SCIN: variants seen among roughly 807,000 people sequenced by gnomAD.
SCIN encodes adseverin.
A neutral mutation model predicts 91.8 loss-of-function variants in SCIN; 91 were observed. That is an observed-to-expected ratio of 0.99 (90% CI 0.84 to 1.18). The LOEUF (loss-of-function observed/expected upper bound fraction) is 1.18. Among genes scored for constraint, SCIN ranks in the 50% most tolerant of loss-of-function variants. The pLI is 0.00. For missense variants in SCIN, 1,087 were observed against 863.9 expected, an observed-to-expected ratio of 1.26 and a Z score of -3.24; for synonymous variants, 367 against 312.6, an observed-to-expected ratio of 1.17 and a Z score of -1.84.
chr7:12,574,727 T>A (rs1325993314), intron 1 of SCIN, among the ~76,000 whole-genome samples: 1 of 152,140 alleles, frequency 6.6e-6, no homozygotes, highest in Non-Finnish European at 1.5e-5. Context: ...ACCAATCTGT[T>A]TTAATCACGT....
At chr7:12,649,678 C>G (rs1448909765) in intron 14 of SCIN, 134 bp downstream of exon 14, 1 of 467,846 alleles carries the variant, frequency 2.1e-6, no homozygotes, top group Non-Finnish European at 3.7e-6. Flanking sequence ...CACACACACA[C>G]ATTTGGTAAA....
intron 14 of SCIN, among the ~76,000 whole-genome samples, chr7:12,650,334 A>G (rs1176950017): frequency 1.3e-5 from 2 of 152,214 alleles, no homozygotes; most frequent in Non-Finnish European, 2.9e-5. Context: ...TGAGAATTAA[A>G]TCTCCAGGTC....
chr7:12,634,763 C>A (rs1018648368), intron 9 of SCIN, among the ~76,000 whole-genome samples: 13 of 152,160 alleles, frequency 8.5e-5, no homozygotes, highest in Non-Finnish European at 1.5e-4. Flanking sequence ...AGTTGCTTTA[C>A]AGGTTAAGGT....
Position 12,651,922 on chromosome 7 carries a change from A to G in SCIN, c.2020+21A>G, listed in dbSNP as rs371223984. The G allele has an allele frequency of 1.9e-5, 30 of 1,557,552 alleles. No individual in the cohort carries two copies. In the African/African-American group the frequency reaches 2.4e-4, roughly 13 times the overall value. ...GTCTGGTAAGCTCAATCGATGGACC[A>G]TTATAGCAGTAACCGGGCACCATTA... On this transcript the variant is annotated intron_variant, in intron 15 of 15. Coordinates refer to ENST00000297029, the MANE Select transcript of SCIN (RefSeq NM_001112706.3). This position sits in a 1 kb window ranked among gnomAD's most constrained non-coding sequence, Gnocchi z 5.9.
chr7:12,634,051 A>C (rs913634696), intron 9 of SCIN, among the ~76,000 whole-genome samples: 12 of 151,666 alleles, frequency 7.9e-5, no homozygotes, highest in Non-Finnish European at 1.6e-4. Flanking sequence ...CTGTGATAAG[A>C]TACACACCCT....
intron 3 of SCIN, among the ~76,000 whole-genome samples, chr7:12,591,680 G>C (rs1782726135): frequency 6.6e-6 from 1 of 152,106 alleles, no homozygotes; most frequent in African/African-American, 2.4e-5. Flanking sequence ...TTCATAGAGG[G>C]GATGAGCTAG....
In SCIN at chr7:12,649,992, T is replaced by G. The variant is rs546876337; in HGVS notation, c.1959+448T>G. Among the ~76,000 whole-genome samples, 52 of 152,306 alleles carry G rather than the reference T, an allele frequency of 3.4e-4. 1 individual carries two copies. In the South Asian group the frequency reaches 0.011, roughly 31 times the overall value. ...GCAGAATAGTTTTGAATCTACACAG[T>G]AAAATATGTTCCTGTTTTATTTATC... On this transcript the variant is annotated intron_variant, in intron 14 of 15. Coordinates refer to ENST00000297029, the MANE Select transcript of SCIN (RefSeq NM_001112706.3).
At chr7:12,631,286 C>G (rs959862970) in intron 9 of SCIN, among the ~76,000 whole-genome samples, 1 of 152,090 alleles carries the variant, frequency 6.6e-6, no homozygotes, top group Non-Finnish European at 1.5e-5. Flanking sequence ...AACTATAACC[C>G]GTGCCTTCAG....
intron 4 of SCIN, among the ~76,000 whole-genome samples, chr7:12,616,453 C>T (rs1783301223): frequency 6.6e-6 from 1 of 152,116 alleles, no homozygotes; most frequent in Non-Finnish European, 1.5e-5. Flanking sequence ...AAGAAGGCCT[C>T]ACCAGATTCT....
chr7:12,640,594 C>G, intron 11 of SCIN, 77 bp downstream of exon 11: 1 of 1,292,786 alleles, frequency 7.7e-7, no homozygotes. Flanking sequence ...AAATATTAGA[C>G]TTTAAAAACT....
Position 12,626,524 on chromosome 7 carries a change from T to C in SCIN, c.982-60T>C, listed in dbSNP as rs985388190. ...CTTACTTTTGTCTCCACTGCCAGAT[T>C]CATATTTTCCCTTAATTTCTTATTT... On this transcript the variant is annotated intron_variant, in intron 7 of 15. Coordinates refer to ENST00000297029, the MANE Select transcript of SCIN (RefSeq NM_001112706.3). 7.1e-6 allele frequency: 9 copies of C among 1,271,530 alleles called. No individual in the cohort carries two copies. In the African/African-American group the frequency reaches 1.4e-4, roughly 19 times the overall value. 78.8% of individuals were successfully genotyped at this position (1,271,530 alleles called of 1,614,324 possible).
chr7:12,628,825 ATT>A lies in SCIN; in HGVS notation c.1198-274_1198-273del, dbSNP rs1002116444. Among the ~76,000 whole-genome samples the A allele has an allele frequency of 1.1e-4, 16 of 152,260 alleles. 2 individuals carry two copies. The highest frequency in any genetic ancestry group is 3.6e-4 in the African/African-American group (15 of 41,558). On this transcript the variant is annotated intron_variant, in intron 8 of 15. Coordinates refer to ENST00000297029, the MANE Select transcript of SCIN (RefSeq NM_001112706.3). Reference sequence around the variant, plus strand: ...TTTTATTCCACTGGAGTGTCATGTTATTTCCACTAGTAGATGAAACAATAAGT... The same window carrying A: ...TTTTATTCCACTGGAGTGTCATGTTATCCACTAGTAGATGAAACAATAAGT...
At position 12,640,408 on chromosome 7, in the gene SCIN, T is replaced by C; in HGVS notation, c.1472T>C (p.Leu491Pro). The C allele has an allele frequency of 6.2e-7, 1 of 1,613,588 alleles. No homozygotes were observed. Among genetic ancestry groups the C allele is most frequent in the Non-Finnish European group, 8.5e-7 (1 of 1,179,690 alleles). Residue 491 changes from leucine (L) to proline (P), a missense_variant, in exon 11 of 16, where the codon CTC becomes CCC. Leu to Pro is a moderately conservative substitution (Grantham distance 98, BLOSUM62 -3). Transcript: ENST00000297029. ...CTGAGTTTGTTCAAAGACAAACCGC[T>C]CATTATTTACAAGAATGGAACATCA... is the stretch of plus-strand genomic sequence containing the variant. ...HLLSLFKDKPLIIYKNGTSKK... is the reference protein window; with the variant it reads ...HLLSLFKDKPPIIYKNGTSKK...
At chr7:12,633,222 C>CA (rs879468115) in intron 9 of SCIN, among the ~76,000 whole-genome samples, 83 of 146,518 alleles carry the variant, frequency 5.7e-4, no homozygotes, top group African/African-American at 1.7e-3. Flanking sequence ...AATGACAGGA[C>CA]AAAAAAAAAA....
rs182450459 is a variant in SCIN at position 12,612,174 on chromosome 7, T to C, written c.666+7511T>C. 7.4e-4 allele frequency among the ~76,000 whole-genome samples: 112 copies of C among 152,306 alleles called. 1 individual carries two copies. Among genetic ancestry groups the C allele is most frequent in the African/African-American group, 2.5e-3 (105 of 41,576 alleles). On this transcript the variant is annotated intron_variant, in intron 4 of 15. Coordinates refer to ENST00000297029, the MANE Select transcript of SCIN (RefSeq NM_001112706.3). ...TTTTCCTATGACTTTTTGTAAGTCC[T>C]TGGGAAATTGAACAATGTCTTAAAT...
At chr7:12,586,822 A>T (rs1782597973) in intron 3 of SCIN, among the ~76,000 whole-genome samples, 1 of 152,252 alleles carries the variant, frequency 6.6e-6, no homozygotes, top group Non-Finnish European at 1.5e-5. Flanking sequence ...AAAGCAAGTC[A>T]TGCGCAGAAA....
In SCIN at chr7:12,656,886, C is replaced by G. The variant is rs1251406292; in HGVS notation, c.*4171C>G. 1 of 150,936 alleles carries G rather than the reference C, an allele frequency of 6.6e-6. No homozygotes were observed. The highest frequency in any genetic ancestry group is 2.4e-5 in the African/African-American group (1 of 40,976). 9.3% of individuals were successfully genotyped at this position (150,936 alleles called of 1,614,324 possible). ...TGGAGCGAAAGTACGCGCCACTGTA[C>G]TCCAGCCTGCGTGACGATGAGAGTC... is the stretch of plus-strand genomic sequence containing the variant. On this transcript the variant is annotated 3_prime_UTR_variant, in exon 16 of 16. Coordinates refer to ENST00000297029, the MANE Select transcript of SCIN (RefSeq NM_001112706.3).
intron 4 of SCIN, among the ~76,000 whole-genome samples, chr7:12,609,789 C>G (rs1368981209): frequency 6.6e-6 from 1 of 152,008 alleles, no homozygotes; most frequent in Admixed American, 6.6e-5. Flanking sequence ...TGTTGCTGAA[C>G]TGTTGTTGAA....
intron 11 of SCIN, among the ~76,000 whole-genome samples, chr7:12,642,193 A>G (rs1783871572): frequency 6.6e-6 from 1 of 151,810 alleles, no homozygotes; most frequent in African/African-American, 2.4e-5. Flanking sequence ...CTAAGGCCCA[A>G]TTCCTCCCCC....
Sources: gnomAD v4.1 joint callset for allele counts (sites outside exome capture counted in the v4.1 genomes callset) on GRCh38, gnomAD v4.1.1 for gene constraint, Gnocchi (gnomAD v3.1) non-coding constraint, MANE v1.5 for transcripts, NCBI Gene and HGNC (gene_info 2026-07-23, HGNC 2026-07-21) for gene names.